ATP11A: variants seen among roughly 807,000 people sequenced by gnomAD.
The protein encoded by ATP11A is phospholipid-transporting ATPase IH.
A neutral mutation model predicts 154.4 loss-of-function variants in ATP11A; 81 were observed. That is an observed-to-expected ratio of 0.52 (90% confidence interval 0.44 to 0.63). The LOEUF is 0.63. Among genes scored for constraint, ATP11A ranks in the 30% least tolerant of loss-of-function variants. ATP11A has a pLI of 0.00. For missense variants in ATP11A, 1,316 were observed against 1,474.3 expected (o/e 0.89, Z 1.76); for synonymous variants, 623 against 585.9 (o/e 1.06, Z -0.91).
chr13:112,878,189 G>A, intron 28 of ATP11A, 28 bp from the exon 29 acceptor site: 1 of 1,606,566 alleles, frequency 6.2e-7, no homozygotes, highest in Non-Finnish European at 8.5e-7. Context: ...ACACCCCTGT[G>A]TGCGTGGCCG....
At chr13:112,724,894 TTC>T (rs1355213962) in intron 1 of ATP11A, among the ~76,000 whole-genome samples, 2 of 152,152 alleles carry the variant, frequency 1.3e-5, no homozygotes, top group Non-Finnish European at 2.9e-5. Flanking sequence ...ACCCAAGTGT[TTC>T]TGTTTCCAAA....
At chr13:112,849,335 G>T (rs1362196670) in intron 17 of ATP11A, among the ~76,000 whole-genome samples, 1 of 152,184 alleles carries the variant, frequency 6.6e-6, no homozygotes, top group African/African-American at 2.4e-5. Flanking sequence ...TATGTGCTGT[G>T]TCCAGGGTTT....
rs2080927705 is a variant in ATP11A at position 112,883,437 on chromosome 13, GCCC to G, written c.*1573_*1575del. 1 of 376,918 alleles carries G rather than the reference GCCC, an allele frequency of 2.7e-6. No individual in the cohort carries two copies. The highest frequency in any genetic ancestry group is 2.1e-5 in the African/African-American group (1 of 48,194). The allele number at this position is 376,918 out of a possible 1,614,324, so 23.3% of individuals were successfully genotyped here. The stretch of plus-strand genomic sequence containing the variant: ...GGAGGAGGAGCCGGCCCTCACGCCC[GCCC>G]CGCGCCACGCTGTGGAACGGGGCTC... On this transcript the variant is annotated 3_prime_UTR_variant, in exon 30 of 30. Transcript: ENST00000375645.
intron 2 of ATP11A, among the ~76,000 whole-genome samples, chr13:112,797,691 G>A (rs1033866995): frequency 4.6e-5 from 7 of 152,186 alleles, no homozygotes; most frequent in African/African-American, 9.7e-5. Flanking sequence ...TCCTTCATTC[G>A]TGAAGGAGAA....
At chr13:112,772,589 C>T (rs1243157123) in intron 1 of ATP11A, among the ~76,000 whole-genome samples, 1 of 151,996 alleles carries the variant, frequency 6.6e-6, no homozygotes, top group Non-Finnish European at 1.5e-5. Flanking sequence ...TCATCACCCT[C>T]AAATGAAACC....
intron 18 of ATP11A, chr13:112,851,752 GCCTCAAGCAATCCTCCCA>G (rs2079773745): frequency 1.3e-5 from 2 of 152,148 alleles, no homozygotes; most frequent in Non-Finnish European, 1.5e-5. Flanking sequence ...CAAATTCCTG[GCCTCAAGCAATCCTCCCA>G]CCTCAGCCTC....
intron 2 of ATP11A, among the ~76,000 whole-genome samples, chr13:112,794,883 A>G (rs892788438): frequency 2.6e-5 from 4 of 151,498 alleles, no homozygotes; most frequent in Non-Finnish European, 4.4e-5. Context: ...AGAAAAGAAA[A>G]GAAAAAAAGA....
rs1336983923 is a variant in ATP11A, at chr13:112,885,198, T to C, written c.*3332T>C. The C allele has an allele frequency of 6.8e-6, 1 of 146,338 alleles. No homozygotes were observed. The highest frequency in any genetic ancestry group is 1.5e-5 in the Non-Finnish European group (1 of 65,410). 9.1% of individuals were successfully genotyped at this position (146,338 alleles called of 1,614,324 possible). A position where few individuals can be genotyped will look rare whatever the true frequency, so the allele number is the denominator to read the frequency against. ...CTCCTACACAATACATATGCACATA[T>C]CATGAACAGCGTAAGTTCCTACACA... is the stretch of plus-strand genomic sequence containing the variant. On this transcript the variant is annotated 3_prime_UTR_variant, in exon 30 of 30. Coordinates refer to ENST00000375645, the MANE Select transcript of ATP11A (RefSeq NM_015205.3).
chr13:112,702,968 T>C (rs1261753375), intron 1 of ATP11A, among the ~76,000 whole-genome samples: 1 of 152,274 alleles, frequency 6.6e-6, no homozygotes, highest in Non-Finnish European at 1.5e-5. Context: ...TATGAAAAAC[T>C]GATACATTGT....
intron 2 of ATP11A, among the ~76,000 whole-genome samples, chr13:112,801,934 G>C (rs2078144839): frequency 6.6e-6 from 1 of 152,170 alleles, no homozygotes; most frequent in South Asian, 2.1e-4. Flanking sequence ...ATATGGAAAG[G>C]CAAAAGACCC....
chr13:112,863,606 G>A (rs1416677229), intron 25 of ATP11A, among the ~76,000 whole-genome samples: 326 of 145,924 alleles, frequency 2.2e-3, no homozygotes, highest in African/African-American at 6.9e-3. Flanking sequence ...GCTTCTCAGC[G>A]GGGTCCATCA....
chr13:112,763,938 C>G (rs756755879), intron 1 of ATP11A, among the ~76,000 whole-genome samples: 1 of 152,252 alleles, frequency 6.6e-6, no homozygotes, highest in Non-Finnish European at 1.5e-5. Flanking sequence ...GGCACACGTT[C>G]TCAGGACCTC....
chr13:112,764,815 T>C (rs1166444395), intron 1 of ATP11A, among the ~76,000 whole-genome samples: 2 of 152,212 alleles, frequency 1.3e-5, no homozygotes, highest in Non-Finnish European at 2.9e-5. Context: ...CGTTTTCTTA[T>C]GGAATGTCCA....
intron 1 of ATP11A, among the ~76,000 whole-genome samples, chr13:112,733,714 C>G (rs192340753): frequency 2.6e-5 from 4 of 152,172 alleles, no homozygotes; most frequent in African/African-American, 9.6e-5. Context: ...TTAGTCTATG[C>G]AAATACAACT....
intron 1 of ATP11A, among the ~76,000 whole-genome samples, chr13:112,702,593 C>T (rs908100307): frequency 6.6e-6 from 1 of 152,244 alleles, no homozygotes; most frequent in Non-Finnish European, 1.5e-5. Flanking sequence ...GTGCGTCTCT[C>T]TGGGTGGCCT....
intron 17 of ATP11A, among the ~76,000 whole-genome samples, chr13:112,850,390 C>T (rs1193393812): frequency 1.3e-5 from 2 of 152,212 alleles, no homozygotes; most frequent in Non-Finnish European, 2.9e-5. Context: ...TGTAAACCGC[C>T]CCCTGTGTGG....
chr13:112,711,949 A>T (rs971148808), intron 1 of ATP11A, among the ~76,000 whole-genome samples: 1 of 152,212 alleles, frequency 6.6e-6, no homozygotes, highest in South Asian at 2.1e-4. Flanking sequence ...TTAGTTAATT[A>T]ACATTCCTAG....
chr13:112,781,012 C>G (rs1424976002), intron 1 of ATP11A, among the ~76,000 whole-genome samples: 1 of 151,992 alleles, frequency 6.6e-6, no homozygotes, highest in Non-Finnish European at 1.5e-5. Context: ...AAAACAGCCC[C>G]GTGTGATGTG....
chr13:112,796,682 A>G (rs886861379), intron 2 of ATP11A, among the ~76,000 whole-genome samples: 2 of 152,262 alleles, frequency 1.3e-5, no homozygotes, highest in East Asian at 1.9e-4. Flanking sequence ...GGAATTTGTT[A>G]TAGCAGCATA....
Sources: gnomAD v4.1 joint callset for allele counts (sites outside exome capture counted in the v4.1 genomes callset) on GRCh38, gnomAD v4.1.1 for gene constraint, MANE v1.5 for transcripts, NCBI Gene and HGNC (gene_info 2026-07-23, HGNC 2026-07-21) for gene names.